ASAP1: variants seen among roughly 807,000 people sequenced by gnomAD.
ASAP1 encodes the protein ArfGAP with SH3 domain, ankyrin repeat and PH domain 1, also known as arf-GAP with SH3 domain, ANK repeat and PH domain-containing protein 1.
A neutral mutation model predicts 145.2 loss-of-function variants in ASAP1; 43 were observed. That is an observed-to-expected ratio of 0.30 (90% CI 0.23 to 0.38). The LOEUF (loss-of-function observed/expected upper bound fraction) is 0.38. ASAP1 is among the 10% of genes least tolerant of loss of function. The pLI is 1.00. For synonymous variants in ASAP1, 546 were observed against 515.5 expected (o/e 1.06, Z -0.80); for missense variants, 1,018 against 1,355.3 (o/e 0.75, Z 3.91).
intron 24 of ASAP1, among the ~76,000 whole-genome samples, chr8:130,092,425 G>A (rs2097507464): frequency 6.6e-6 from 1 of 152,112 alleles, no homozygotes; most frequent in South Asian, 2.1e-4. Context: ...CCAAGAGTTT[G>A]AGACCAGCCT....
intron 3 of ASAP1, among the ~76,000 whole-genome samples, chr8:130,242,461 T>G (rs1478706827): frequency 6.6e-6 from 1 of 152,036 alleles, no homozygotes; most frequent in African/African-American, 2.4e-5. Flanking sequence ...AGCAAGGGAA[T>G]GCTACTTTGG....
At chr8:130,339,380 C>A (rs975575045) in intron 3 of ASAP1, among the ~76,000 whole-genome samples, 8 of 152,156 alleles carry the variant, frequency 5.3e-5, no homozygotes, top group Non-Finnish European at 8.8e-5. Context: ...CAGTTTAGGA[C>A]TTTATGGAGA....
In ASAP1 at chr8:130,180,777, G is replaced by A. The variant is rs1334794467; in HGVS notation, c.634C>T (p.Arg212Cys). The change falls in exon 8 of 30, where the codon CGC becomes TGC. Residue 212 changes from arginine (R) to cysteine (C), a missense_variant. Physicochemically the swap from Arg to Cys is radical, Grantham distance 180 (BLOSUM62 -3). This residue lies in a region of ASAP1 where 78 missense variants were observed against 161.0 expected (regional missense o/e 0.48). Transcript: ENST00000518721. Reference sequence around the variant, plus strand: ...TCACACATTTGGAGCTGAAAGAGGCGCCTTTCCTTCTCCATTTCTTCCGCA... The same window carrying A: ...TCACACATTTGGAGCTGAAAGAGGCACCTTTCCTTCTCCATTTCTTCCGCA... ...EIAEEMEKER[R>C]LFQLQMCEYL... is the part of the protein sequence containing the mutation. The A allele has an allele frequency of 1.2e-6, 2 of 1,612,666 alleles. No individual in the cohort carries two copies. The highest frequency in any genetic ancestry group is 1.7e-5 in the Admixed American group (1 of 59,776).
chr8:130,334,454 TG>T (rs1824906946), intron 3 of ASAP1, among the ~76,000 whole-genome samples: 1 of 152,254 alleles, frequency 6.6e-6, no homozygotes, highest in African/African-American at 2.4e-5. Context: ...ACAATATATA[TG>T]GTCTCTTTTT....
chr8:130,336,877 C>A (rs947747387), intron 3 of ASAP1, among the ~76,000 whole-genome samples: 1 of 152,288 alleles, frequency 6.6e-6, no homozygotes, highest in East Asian at 1.9e-4. Context: ...GAAACTACTT[C>A]TCCCAAACAG....
chr8:130,071,124 G>A lies in ASAP1; in HGVS notation c.2701+5224C>T, dbSNP rs564560352. The stretch of plus-strand genomic sequence containing the variant: ...ACCCGATGCAGTGATCCTAGGACAG[G>A]AGTTGCTGGGACAGCAAAGATGATT... On this transcript the variant is annotated intron_variant, in intron 27 of 29. Transcript: ENST00000518721. 9.9e-5 allele frequency among the ~76,000 whole-genome samples: 15 copies of A among 151,896 alleles called. 1 individual carries two copies. The South Asian group carries it at 2.9e-3, about 29-fold the overall frequency.
intron 3 of ASAP1, among the ~76,000 whole-genome samples, chr8:130,240,797 TGA>T (rs1818478652): frequency 1.3e-5 from 2 of 152,128 alleles, no homozygotes; most frequent in African/African-American, 4.8e-5. Flanking sequence ...CTTCCAACCT[TGA>T]TACGAAGACT....
At chr8:130,109,145 A>G (rs1283200256) in intron 24 of ASAP1, among the ~76,000 whole-genome samples, 2 of 152,162 alleles carry the variant, frequency 1.3e-5, no homozygotes, top group Admixed American at 6.5e-5. Context: ...ATCACAAACG[A>G]GAAACTACCA....
chr8:130,273,881 C>T (rs1012069976), intron 3 of ASAP1, among the ~76,000 whole-genome samples: 25 of 152,126 alleles, frequency 1.6e-4, no homozygotes, highest in African/African-American at 4.8e-4. Flanking sequence ...ATTTAAAAAG[C>T]TCATCACTTC....
At chr8:130,215,975 A>AAGGAAAGG (rs1816884810) in intron 4 of ASAP1, among the ~76,000 whole-genome samples, 1 of 128,266 alleles carries the variant, frequency 7.8e-6, no homozygotes, top group African/African-American at 3.1e-5. Flanking sequence ...AAGAAAAAGA[A>AAGGAAAGG]AAAGGAAAGG....
At chr8:130,352,441 G>A (rs1586888559) in intron 3 of ASAP1, among the ~76,000 whole-genome samples, 1 of 152,178 alleles carries the variant, frequency 6.6e-6, no homozygotes, top group African/African-American at 2.4e-5. Context: ...AATCACTTAA[G>A]GACCTAACAG....
chr8:130,438,670 C>T lies in ASAP1; in HGVS notation c.-28+4790G>A, dbSNP rs908916527. Among the ~76,000 whole-genome samples, 3 of 152,114 alleles carry T rather than the reference C, an allele frequency of 2.0e-5. No homozygotes were observed. The East Asian group carries it at 5.8e-4, about 29-fold the overall frequency. On this transcript the variant is annotated intron_variant, in intron 1 of 29. Transcript: ENST00000518721. ...AAGAGGCTGGGTGAGAAATTAGTGT[C>T]CCTGGGTTGAAAGTGAACAATCGGG...
At chr8:130,179,137 A>T in intron 9 of ASAP1, 127 bp downstream of exon 9, 1 of 544,882 alleles carries the variant, frequency 1.8e-6, no homozygotes, top group Admixed American at 3.7e-5. Flanking sequence ...CATTTAGCTG[A>T]AAAAGGTCAT....
At chr8:130,220,410 C>A (rs1817218739) in intron 4 of ASAP1, among the ~76,000 whole-genome samples, 1 of 152,186 alleles carries the variant, frequency 6.6e-6, no homozygotes, top group African/African-American at 2.4e-5. Flanking sequence ...GTACTATTAC[C>A]ATCCTCACTG....
At chr8:130,132,407 T>G (rs943079805) in intron 15 of ASAP1, among the ~76,000 whole-genome samples, 4 of 152,156 alleles carry the variant, frequency 2.6e-5, no homozygotes, top group Admixed American at 6.5e-5. Flanking sequence ...CAACAAGTCA[T>G]CAATCACTTC....
At chr8:130,378,224 T>C (rs1229485915) in intron 2 of ASAP1, among the ~76,000 whole-genome samples, 1 of 152,226 alleles carries the variant, frequency 6.6e-6, no homozygotes, top group Non-Finnish European at 1.5e-5. Context: ...AGTGCCTCAA[T>C]GCTGACAAAT....
At chr8:130,229,956 T>G (rs1029882526) in intron 4 of ASAP1, among the ~76,000 whole-genome samples, 5 of 151,888 alleles carry the variant, frequency 3.3e-5, no homozygotes, top group Admixed American at 2.6e-4. Flanking sequence ...CAGCTGCTAC[T>G]CGGGAGGCTG....
intron 20 of ASAP1, among the ~76,000 whole-genome samples, chr8:130,117,552 C>T (rs1476441147): frequency 6.6e-6 from 1 of 152,204 alleles, no homozygotes; most frequent in African/African-American, 2.4e-5. Flanking sequence ...AGTTCCTCCT[C>T]ATCATCTGTT....
chr8:130,363,440 C>T (rs1011098940), intron 2 of ASAP1, among the ~76,000 whole-genome samples: 11 of 152,260 alleles, frequency 7.2e-5, no homozygotes, highest in South Asian at 6.2e-4. Flanking sequence ...ACGTACCAGA[C>T]ACTTTGCTAA....
Sources: allele counts gnomAD v4.1 joint callset (sites outside exome capture counted in the v4.1 genomes callset), GRCh38; gene constraint gnomAD v4.1.1; regional missense constraint gnomAD v4.1.1; transcripts MANE v1.5; gene names NCBI Gene and HGNC (gene_info 2026-07-23, HGNC 2026-07-21).